Variants in SLA observed in about 807,000 individuals in gnomAD.
SLA encodes src-like-adapter.
In SLA, 16 loss-of-function variants were observed where a neutral mutation model predicts 30.3. The observed-to-expected ratio is 0.53, with a 90% CI of 0.36 to 0.80. The LOEUF is 0.80. SLA is among the 30% of genes least tolerant of loss of function. The pLI, the probability that SLA is intolerant of heterozygous loss-of-function variation, is 0.01. For missense variants in SLA, 310 were observed against 345.2 expected (o/e 0.90, Z 0.81); for synonymous variants, 143 against 137.8 (o/e 1.04, Z -0.26).
chr8:133,041,519 T>C (rs1015109757), intron 7 of SLA, among the ~76,000 whole-genome samples: 11 of 152,242 alleles, frequency 7.2e-5, no homozygotes, highest in Admixed American at 3.3e-4. Context: ...TGACCTGTCA[T>C]GGGTTGGAAA....
intron 1 of SLA, chr8:133,087,577 T>C (rs1846793046): frequency 6.6e-6 from 1 of 152,228 alleles, no homozygotes; most frequent in Non-Finnish European, 1.5e-5. Flanking sequence ...CAAGGATCAG[T>C]CATATTTTAG....
At chr8:133,059,966 G>A (rs926095998) in intron 3 of SLA, 134 bp downstream of exon 3, 1 of 882,430 alleles carries the variant, frequency 1.1e-6, no homozygotes, top group Admixed American at 2.9e-5. Context: ...AACAAAACTA[G>A]AGAGACAGAT....
chr8:133,047,509 C>A (rs1839651259), intron 6 of SLA: 2 of 352,618 alleles, frequency 5.7e-6, no homozygotes, highest in Non-Finnish European at 1.1e-5. Flanking sequence ...CCAAAGGCCA[C>A]ATTCTATCTG....
intron 3 of SLA, among the ~76,000 whole-genome samples, chr8:133,059,407 T>C (rs889301972): frequency 7.2e-5 from 11 of 152,236 alleles, no homozygotes; most frequent in African/African-American, 2.7e-4. Flanking sequence ...GTTCAGCCTT[T>C]TCCCTTTGTT....
At chr8:133,054,521 G>A (rs144956621) in intron 3 of SLA, among the ~76,000 whole-genome samples, 1 of 152,180 alleles carries the variant, frequency 6.6e-6, no homozygotes, top group Non-Finnish European at 1.5e-5. Flanking sequence ...GAAGGATTCA[G>A]GATGCATTGC....
At chr8:133,098,008 G>T (rs1338150133) in intron 1 of SLA, among the ~76,000 whole-genome samples, 1 of 152,098 alleles carries the variant, frequency 6.6e-6, no homozygotes, top group Non-Finnish European at 1.5e-5. Flanking sequence ...CCCTCAGCTT[G>T]CATCTAGCTA....
At chr8:133,072,503 A>G (rs1315861553) in intron 2 of SLA, among the ~76,000 whole-genome samples, 1 of 152,186 alleles carries the variant, frequency 6.6e-6, no homozygotes, top group Non-Finnish European at 1.5e-5. Flanking sequence ...TATGAACAGG[A>G]CCCTTGGGCT....
chr8:133,063,718 CTG>C (rs1007569777), intron 2 of SLA: 16 of 152,230 alleles, frequency 1.1e-4, no homozygotes, highest in African/African-American at 3.9e-4. Flanking sequence ...ACAGAAGGTG[CTG>C]TGTCCGGGCT....
intron 2 of SLA, among the ~76,000 whole-genome samples, chr8:133,066,197 G>A (rs571151839): frequency 1.3e-5 from 2 of 152,018 alleles, no homozygotes; most frequent in East Asian, 1.9e-4. Context: ...GTGGTGGCAG[G>A]CACCTGTAGT....
At chr8:133,051,531 G>A (rs1490469129) in intron 3 of SLA, among the ~76,000 whole-genome samples, 1 of 152,130 alleles carries the variant, frequency 6.6e-6, no homozygotes, top group Non-Finnish European at 1.5e-5. Flanking sequence ...CCCACGCTGG[G>A]CATCTATTTA....
At chr8:133,101,337 C>T (rs141680379) in intron 1 of SLA, among the ~76,000 whole-genome samples, 1 of 152,274 alleles carries the variant, frequency 6.6e-6, no homozygotes, top group Non-Finnish European at 1.5e-5. Context: ...CTTGTATTGC[C>T]CTCCCTTGCC....
At chr8:133,054,348 GA>G (rs1840958733) in intron 3 of SLA, among the ~76,000 whole-genome samples, 1 of 152,204 alleles carries the variant, frequency 6.6e-6, no homozygotes, top group Non-Finnish European at 1.5e-5. Flanking sequence ...GAATTTTCGG[GA>G]AAGAGAATGG....
intron 1 of SLA, among the ~76,000 whole-genome samples, chr8:133,080,752 C>T (rs1165167428): frequency 2.0e-5 from 3 of 152,258 alleles, no homozygotes; most frequent in African/African-American, 7.2e-5. Context: ...GCACTGTAGA[C>T]AAGCCCCTCA....
At chr8:133,049,788 C>G in intron 5 of SLA, 114 bp downstream of exon 5, 1 of 782,892 alleles carries the variant, frequency 1.3e-6, no homozygotes, top group Non-Finnish European at 2.3e-6. Flanking sequence ...AGGACTATCT[C>G]TTCTTGACCC....
intron 2 of SLA, among the ~76,000 whole-genome samples, chr8:133,060,800 G>C (rs1255570238): frequency 2.0e-5 from 3 of 152,190 alleles, no homozygotes; most frequent in Non-Finnish European, 4.4e-5. Context: ...CTTGCATCAT[G>C]CTTAAGCCCA....
At chr8:133,044,751 A>G (rs926378383) in intron 7 of SLA, among the ~76,000 whole-genome samples, 2 of 152,330 alleles carry the variant, frequency 1.3e-5, no homozygotes, top group African/African-American at 2.4e-5. Flanking sequence ...TGTTTAATGT[A>G]CACTTCGAGA....
chr8:133,100,225 C>A (rs143188372), intron 1 of SLA, among the ~76,000 whole-genome samples: 2 of 152,182 alleles, frequency 1.3e-5, no homozygotes, highest in African/African-American at 4.8e-5. Flanking sequence ...AACTCACTGC[C>A]TTACTCCCTT....
intron 5 of SLA, chr8:133,049,663 T>G (rs1307067853): frequency 3.9e-6 from 2 of 512,634 alleles, no homozygotes; most frequent in Non-Finnish European, 7.1e-6. Context: ...AGCACCATGT[T>G]AGAGCTGAAA....
At chr8:133,088,406 T>C (rs1427480643) in intron 1 of SLA, among the ~76,000 whole-genome samples, 2 of 152,150 alleles carry the variant, frequency 1.3e-5, no homozygotes, top group Non-Finnish European at 2.9e-5. Flanking sequence ...TAGCACAGTG[T>C]GGGGGGAACA....
Sources: gnomAD v4.1 joint callset for allele counts (sites outside exome capture counted in the v4.1 genomes callset) on GRCh38, gnomAD v4.1.1 for gene constraint, MANE v1.5 for transcripts, NCBI Gene and HGNC (gene_info 2026-07-23, HGNC 2026-07-21) for gene names.